Variants in COG5 observed in about 807,000 individuals in gnomAD.
COG5 encodes component of oligomeric golgi complex 5.
In COG5, 86 loss-of-function variants were observed where a neutral mutation model predicts 110.4. The observed-to-expected ratio is 0.78, with a 90% CI of 0.65 to 0.93. The LOEUF is 0.93. Among genes scored for constraint, COG5 ranks in the 40% least tolerant of loss-of-function variants. The pLI, the probability that COG5 is intolerant of heterozygous loss-of-function variation, is 0.00. For synonymous variants in COG5, 360 were observed against 334.6 expected, an observed-to-expected ratio of 1.08 and a Z score of -0.83; for missense variants, 1,077 against 987.0, an observed-to-expected ratio of 1.09 and a Z score of -1.22.
intron 7 of COG5, among the ~76,000 whole-genome samples, chr7:107,375,669 C>A (rs766911903): frequency 6.6e-6 from 1 of 151,704 alleles, no homozygotes; most frequent in Non-Finnish European, 1.5e-5. Flanking sequence ...CATATTTTGG[C>A]CCATTTTTTT....
At chr7:107,296,142 CTTT>C (rs1806724192) in intron 12 of COG5, among the ~76,000 whole-genome samples, 1 of 151,328 alleles carries the variant, frequency 6.6e-6, no homozygotes, top group Non-Finnish European at 1.5e-5. Context: ...TTCCTTCCTT[CTTT>C]CCCTCCCTCC....
At chr7:107,556,206 G>A (rs889257574) in intron 2 of COG5, among the ~76,000 whole-genome samples, 1 of 152,128 alleles carries the variant, frequency 6.6e-6, no homozygotes, top group African/African-American at 2.4e-5. Context: ...CCTCTGTATT[G>A]CATCTGTGGT....
chr7:107,473,940 G>T (rs2129111738), intron 6 of COG5: 2 of 469,124 alleles, frequency 4.3e-6, no homozygotes, highest in South Asian at 3.7e-5. Context: ...ATTAAACTAA[G>T]TACACAATTG....
At chr7:107,553,748 T>C (rs888854490) in intron 3 of COG5, among the ~76,000 whole-genome samples, 3 of 151,670 alleles carry the variant, frequency 2.0e-5, no homozygotes, top group African/African-American at 7.3e-5. Context: ...TTAAAAAGAG[T>C]TGCAAAAAAG....
chr7:107,537,828 C>T (rs185642281), intron 5 of COG5, among the ~76,000 whole-genome samples: 108 of 151,816 alleles, frequency 7.1e-4, no homozygotes, highest in Non-Finnish European at 4.1e-4. Context: ...AAAGGCACCA[C>T]AGAAGATGCT....
At chr7:107,317,192 A>G (rs1489579579) in intron 11 of COG5, among the ~76,000 whole-genome samples, 2 of 152,078 alleles carry the variant, frequency 1.3e-5, no homozygotes, top group African/African-American at 4.8e-5. Context: ...GATGAACCCT[A>G]TGAGTGCCCC....
chr7:107,249,701 TGTGTGTG>T lies in COG5; in HGVS notation c.1750-1209_1750-1203del, dbSNP rs1802340843. 6.3e-5 allele frequency among the ~76,000 whole-genome samples: 8 copies of T among 126,716 alleles called. No homozygotes were observed. The South Asian group carries it at 1.5e-3, about 24-fold the overall frequency. The allele number at this position is 126,716 out of a possible 152,430, so 83.1% of individuals were successfully genotyped here. A position where few individuals can be genotyped will look rare whatever the true frequency, so the allele number is the denominator to read the frequency against. On this transcript the variant is annotated intron_variant, in intron 16 of 21. Coordinates refer to ENST00000297135, the MANE Select transcript of COG5 (RefSeq NM_006348.5). ...TACAACGTACAGGATTGTGTGTGTG[TGTGTGTG>T]TGTGTGTGTGTGTGTGTGTGTGTGT...
intron 6 of COG5, among the ~76,000 whole-genome samples, chr7:107,497,362 C>A (rs1798347048): frequency 6.6e-6 from 1 of 152,138 alleles, no homozygotes; most frequent in Non-Finnish European, 1.5e-5. Context: ...AAAACTGTCC[C>A]TGTTTGCAGA....
chr7:107,512,239 T>C (rs1799572801), intron 6 of COG5, among the ~76,000 whole-genome samples: 1 of 152,092 alleles, frequency 6.6e-6, no homozygotes, highest in African/African-American at 2.4e-5. Context: ...ACAAGCATCC[T>C]TATACACCAA....
chr7:107,447,874 A>G (rs1464130118), intron 6 of COG5, among the ~76,000 whole-genome samples: 3 of 152,184 alleles, frequency 2.0e-5, no homozygotes, highest in Non-Finnish European at 4.4e-5. Flanking sequence ...TCTTACTGAC[A>G]GTCGGGCACA....
At position 107,425,792 on chromosome 7, in the gene COG5, GT is replaced by G. The variant is rs200944683; in HGVS notation, c.539-13161del. ...AACATTCATATAATGCTTACTATGT[GT>G]TATGGGTTGAACTGTGTCTCCCTAA... On this transcript the variant is annotated intron_variant, in intron 6 of 21. Coordinates refer to ENST00000297135, the MANE Select transcript of COG5 (RefSeq NM_006348.5). 6.8e-3 allele frequency among the ~76,000 whole-genome samples: 1,042 copies of G among 152,278 alleles called. 9 individuals are homozygous for G. Among genetic ancestry groups the G allele is most frequent in the Middle Eastern group, 0.014 (4 of 294 alleles).
chr7:107,268,407 A>G (rs557490890), intron 14 of COG5, among the ~76,000 whole-genome samples: 9 of 152,364 alleles, frequency 5.9e-5, no homozygotes, highest in Admixed American at 5.2e-4. Context: ...ATAATGTAAA[A>G]CCAGGAAAAA....
intron 6 of COG5, among the ~76,000 whole-genome samples, chr7:107,509,393 C>T (rs534711989): frequency 1.3e-5 from 2 of 152,144 alleles, no homozygotes; most frequent in Non-Finnish European, 2.9e-5. Context: ...AAATATGGGA[C>T]TATGTGAAAA....
chr7:107,498,589 C>T (rs879296492), intron 6 of COG5, among the ~76,000 whole-genome samples: 3 of 151,842 alleles, frequency 2.0e-5, no homozygotes, highest in Non-Finnish European at 4.4e-5. Flanking sequence ...ACCTCACATC[C>T]GTTAGAATGG....
chr7:107,267,407 C>T (rs1803888544), intron 14 of COG5, among the ~76,000 whole-genome samples: 1 of 152,146 alleles, frequency 6.6e-6, no homozygotes, highest in Admixed American at 6.5e-5. Context: ...TTTCTATCTA[C>T]CCATGACCTA....
At chr7:107,305,135 C>G (rs965807872) in intron 11 of COG5, among the ~76,000 whole-genome samples, 6 of 152,164 alleles carry the variant, frequency 3.9e-5, no homozygotes. Flanking sequence ...TATGCTCCAT[C>G]TGGATATTCA....
Position 107,201,489 on chromosome 7 carries a change from A to G in COG5, c.*2027T>C, listed in dbSNP as rs1472441877. The G allele has an allele frequency of 1.4e-5, 15 of 1,061,342 alleles. No individual in the cohort carries two copies. In the East Asian group the frequency reaches 3.3e-4, roughly 24 times the overall value. The allele number at this position is 1,061,342 out of a possible 1,614,324, so 65.7% of individuals were successfully genotyped here. ...GCATATACATTGACTCTTGATGGAA[A>G]GACTTAAGAAGATCAAGGTCTCACC... On this transcript the variant is annotated 3_prime_UTR_variant, in exon 22 of 22. Coordinates refer to ENST00000297135, the MANE Select transcript of COG5 (RefSeq NM_006348.5).
intron 6 of COG5, among the ~76,000 whole-genome samples, chr7:107,426,324 G>A (rs996556537): frequency 2.6e-5 from 4 of 152,176 alleles, no homozygotes; most frequent in African/African-American, 7.2e-5. Flanking sequence ...GCACACAGCA[G>A]TTAATTAACT....
chr7:107,256,629 T>C lies in COG5; in HGVS notation c.1749+103A>G, dbSNP rs1270230925. 8.1e-6 allele frequency: 6 copies of C among 742,990 alleles called. No individual in the cohort carries two copies. The East Asian group carries it at 1.1e-4, about 13-fold the overall frequency. The allele number at this position is 742,990 out of a possible 1,614,324, so 46.0% of individuals were successfully genotyped here. On this transcript the variant is annotated intron_variant, in intron 16 of 21. Coordinates refer to ENST00000297135, the MANE Select transcript of COG5 (RefSeq NM_006348.5). The stretch of plus-strand genomic sequence containing the variant: ...TATCAACATGCTACTTTTGTATATA[T>C]AGAGGATTCTGAATTATTATAAAAT...
Sources: gnomAD v4.1 joint callset for allele counts (sites outside exome capture counted in the v4.1 genomes callset) on GRCh38, gnomAD v4.1.1 for gene constraint, MANE v1.5 for transcripts, NCBI Gene and HGNC (gene_info 2026-07-23, HGNC 2026-07-21) for gene names.